LRP4: variants seen among roughly 807,000 people sequenced by gnomAD.
The protein encoded by LRP4 is low-density lipoprotein receptor-related protein 4.
Under a neutral mutation model 220.3 loss-of-function variants are expected in LRP4, and 95 were observed. That is an observed-to-expected ratio of 0.43 (90% CI 0.37 to 0.51). The LOEUF is 0.51. LRP4 is among the 20% of genes least tolerant of loss of function. LRP4 has a pLI of 0.00. For missense variants in LRP4, 1,925 were observed against 2,567.0 expected, an observed-to-expected ratio of 0.75 and a Z score of 5.40; for synonymous variants, 903 against 954.6, an observed-to-expected ratio of 0.95 and a Z score of 1.00.
intron 37 of LRP4, among the ~76,000 whole-genome samples, chr11:46,861,449 A>G (rs987812014): frequency 7.2e-5 from 11 of 152,062 alleles, no homozygotes; most frequent in African/African-American, 2.7e-4. Context: ...GGATTTTAGG[A>G]AAAAAACAAG....
At position 46,918,216 on chromosome 11, in the gene LRP4, T is replaced by A; in HGVS notation, c.52+112A>T. On this transcript the variant is annotated intron_variant, in intron 1 of 37. Coordinates refer to ENST00000378623, the MANE Select transcript of LRP4 (RefSeq NM_002334.4). The surrounding 1 kb of genome is among the most constrained non-coding windows in gnomAD (Gnocchi z 6.0). ...CTGCACGCAGCCCCAGGGCCACGGC[T>A]AGGAGCGAGGGCGAGGGGTCTCAGG... is the stretch of plus-strand genomic sequence containing the variant. 1 of 1,194,584 alleles carries A rather than the reference T, an allele frequency of 8.4e-7. No individual in the cohort carries two copies. Among genetic ancestry groups the A allele is most frequent in the East Asian group, 3.0e-5 (1 of 33,550 alleles). 74.0% of individuals were successfully genotyped at this position (1,194,584 alleles called of 1,614,324 possible). A position where few individuals can be genotyped will look rare whatever the true frequency, so the allele number is the denominator to read the frequency against.
intron 1 of LRP4, among the ~76,000 whole-genome samples, chr11:46,917,002 G>C (rs933717865): frequency 6.6e-6 from 1 of 152,246 alleles, no homozygotes. Flanking sequence ...GCTCTTCGGA[G>C]AGAAAGAGCT....
chr11:46,859,163 G>A lies in LRP4; in HGVS notation c.5538C>T (p.Asp1846=), dbSNP rs769171471. The A allele has an allele frequency of 1.9e-6, 3 of 1,614,048 alleles. No homozygotes were observed. The highest frequency in any genetic ancestry group is 8.5e-7 in the Non-Finnish European group (1 of 1,180,034). Reference sequence around the variant, plus strand: ...CAGAGCTGGCCTGGATGGACACCGTGTCTGTCTTCATGCATACATGATCCC... The same window carrying A: ...CAGAGCTGGCCTGGATGGACACCGTATCTGTCTTCATGCATACATGATCCC... ...LLRDHVCMKT[D]TVSIQASSGS... The change falls in exon 38 of 38, where the codon GAC becomes GAT. Residue 1846 remains aspartate (D), a synonymous_variant. Transcript: ENST00000378623.
rs763376596 is a variant in LRP4, at chr11:46,864,470, T to G, written c.5221A>C (p.Ile1741Leu). Residue 1741 changes from isoleucine (I) to leucine (L), a missense_variant, in exon 36 of 38, where the codon ATT (isoleucine) becomes CTT (leucine). Physicochemically the swap from Ile to Leu is conservative, Grantham distance 5. Coordinates refer to ENST00000378623, the MANE Select transcript of LRP4 (RefSeq NM_002334.4). ...TACCTGTACAGCATCAAAGCTGCAA[T>G]CACCACCAAAATCAGCAGAATACTG... ...LLSILLILVV[I>L]AALMLYRHKK... The G allele has an allele frequency of 6.2e-7, 1 of 1,613,774 alleles. No individual in the cohort carries two copies. The highest frequency in any genetic ancestry group is 1.1e-5 in the South Asian group (1 of 91,070).
intron 7 of LRP4, 22 bp downstream of exon 7, chr11:46,898,536 C>T: frequency 6.2e-7 from 1 of 1,613,910 alleles, no homozygotes; most frequent in African/African-American, 1.3e-5. Flanking sequence ...CAAGCCCAAC[C>T]TAATTCCATT....
At chr11:46,895,734 AATGGG>A in intron 10 of LRP4, 145 bp downstream of exon 10, 1 of 1,118,260 alleles carries the variant, frequency 8.9e-7, no homozygotes, top group Non-Finnish European at 1.3e-6. Context: ...CCATCTGTGA[AATGGG>A]AAGGATGATC....
intron 13 of LRP4, among the ~76,000 whole-genome samples, chr11:46,891,656 G>A (rs1941427716): frequency 6.6e-6 from 1 of 151,958 alleles, no homozygotes; most frequent in Admixed American, 6.6e-5. Context: ...GTCTCACTCT[G>A]TCATCCAGGA....
At position 46,894,689 on chromosome 11, in the gene LRP4, C is replaced by G; in HGVS notation, c.1440G>C (p.Glu480Asp). The change falls in exon 12 of 38, where the codon GAG (glutamate) becomes GAC (aspartate). Residue 480 changes from glutamate (E) to aspartate (D), a missense_variant. By Grantham distance (45) the Glu-to-Asp change is conservative. This residue lies in a region of LRP4 where 269 missense variants were observed against 436.7 expected (regional missense o/e 0.62). Coordinates refer to ENST00000378623, the MANE Select transcript of LRP4 (RefSeq NM_002334.4). ...AIALDFHHRR[E>D]LVFWSDVTLD... The stretch of plus-strand genomic sequence containing the variant: ...GGGTGACATCTGACCAGAAGACAAG[C>G]TCGCGGCGGTGGTGGAAATCAAGGG... 1.2e-6 allele frequency: 2 copies of G among 1,614,240 alleles called. No individual in the cohort carries two copies. Among genetic ancestry groups the G allele is most frequent in the Non-Finnish European group, 1.7e-6 (2 of 1,180,044 alleles).
intron 20 of LRP4, among the ~76,000 whole-genome samples, chr11:46,880,336 C>T (rs959715064): frequency 1.7e-4 from 25 of 147,398 alleles, no homozygotes; most frequent in Non-Finnish European, 3.1e-4. Context: ...TGTGGTGGCT[C>T]ATGCCTATAA....
At chr11:46,910,461 A>T (rs1442993240) in intron 1 of LRP4, among the ~76,000 whole-genome samples, 1 of 152,228 alleles carries the variant, frequency 6.6e-6, no homozygotes, top group East Asian at 1.9e-4. Context: ...TCTTGTTATT[A>T]CTATTAAAGA....
chr11:46,911,600 ATAAATAAATAAAT>A, intron 1 of LRP4, among the ~76,000 whole-genome samples: 1 of 133,120 alleles, frequency 7.5e-6, no homozygotes, highest in Non-Finnish European at 1.6e-5. Flanking sequence ...AAAAAAAAAA[ATAAATAAATAAAT>A]AAAAATAAAG....
In LRP4 at chr11:46,892,634, C is replaced by T. The variant is rs866808057; in HGVS notation, c.1697+339G>A. Among the ~76,000 whole-genome samples, 7 of 149,954 alleles carry T rather than the reference C, an allele frequency of 4.7e-5. No individual in the cohort carries two copies. The South Asian group carries it at 1.3e-3, about 27-fold the overall frequency. On this transcript the variant is annotated intron_variant, in intron 13 of 37. Coordinates refer to ENST00000378623, the MANE Select transcript of LRP4 (RefSeq NM_002334.4). ...TCTCCCAGGCTGGAGTGCAGTGGCG[C>T]AATCTCAGCTCACTGTAACCTGTGC...
rs761350442 is a variant in LRP4 at position 46,900,271 on chromosome 11, G to C, written c.307C>G (p.Gln103Glu). The C allele has an allele frequency of 5.0e-6, 8 of 1,613,018 alleles. No individual in the cohort carries two copies. The highest frequency in any genetic ancestry group is 5.9e-6 in the Non-Finnish European group (7 of 1,179,082). ...DNDCEDDSDE[Q>E]DCPPRECEED... ...CTCTGCCAACACTCACGACAGTCCT[G>C]CTCATCCGAGTCATCCTCACAGTCG... is the stretch of plus-strand genomic sequence containing the variant. The change falls in exon 3 of 38, where the codon CAG (glutamine) becomes GAG (glutamate). Residue 103 changes from glutamine to glutamate, a missense_variant. This residue lies in a region of LRP4 where 412 missense variants were observed against 505.4 expected (regional missense o/e 0.82). Coordinates refer to ENST00000378623, the MANE Select transcript of LRP4 (RefSeq NM_002334.4).
At chr11:46,898,871 C>G (rs775396166) in intron 6 of LRP4, 33 bp downstream of exon 6, 248 of 1,613,458 alleles carry the variant, frequency 1.5e-4, no homozygotes, top group Non-Finnish European at 2.0e-4. Flanking sequence ...CCCAGCCTGG[C>G]CTCCCCACCT....
At position 46,870,623 on chromosome 11, in the gene LRP4, G is replaced by A. The variant is rs572705320; in HGVS notation, c.4692+902C>T. On this transcript the variant is annotated intron_variant, in intron 31 of 37. Transcript: ENST00000378623. ...AAAAATTTTATAGAGATAGGGTCTC[G>A]CCATGTTGCCCAGTCTGGTCTCAAA... Among the ~76,000 whole-genome samples, 59 of 152,218 alleles carry A rather than the reference G, an allele frequency of 3.9e-4. 1 individual carries two copies. In the South Asian group the frequency reaches 0.012, roughly 30 times the overall value.
At chr11:46,866,211 T>C (rs1940695307) in intron 34 of LRP4, among the ~76,000 whole-genome samples, 2 of 151,962 alleles carry the variant, frequency 1.3e-5, no homozygotes, top group Non-Finnish European at 2.9e-5. Flanking sequence ...GAGTAAATTA[T>C]ATATAGGTAT....
intron 18 of LRP4, among the ~76,000 whole-genome samples, chr11:46,884,700 G>A (rs1280875904): frequency 7.7e-6 from 1 of 130,186 alleles, no homozygotes; most frequent in African/African-American, 2.9e-5. Context: ...TCGTGCCACA[G>A]CACTCCAGCC....
Position 46,868,015 on chromosome 11 carries a change from G to A in LRP4, c.5051C>T (p.Thr1684Ile). 6.2e-7 allele frequency: 1 copy of A among 1,614,160 alleles called. No homozygotes were observed. The highest frequency in any genetic ancestry group is 8.5e-7 in the Non-Finnish European group (1 of 1,180,036). The change falls in exon 34 of 38, where the codon ACC (threonine) becomes ATC (isoleucine). Residue 1684 changes from threonine to isoleucine, a missense_variant. This residue lies in a region of LRP4 where 1,244 missense variants were observed against 1,624.9 expected (regional missense o/e 0.77). Transcript: ENST00000378623. ...CTCCTCCAGAGACGTGCGGGTCCGG[G>A]TGGTTGAAGAATACAAGGTGGTAGG... is the stretch of plus-strand genomic sequence containing the variant. Reference protein sequence around the residue: ...TPPTTLYSSTTRTRTSLEEVE... With the variant: ...TPPTTLYSSTIRTRTSLEEVE...
In LRP4 at chr11:46,894,572, G is replaced by A; in HGVS notation, c.1540+17C>T. On this transcript the variant is annotated intron_variant, in intron 12 of 37. Transcript: ENST00000378623. ...GTGGCATGGCTCTGCCCCTCTCCATGGGGCCTTGTTCCCTACCTGGGCTCT... is the reference window on the plus strand; with the variant it reads ...GTGGCATGGCTCTGCCCCTCTCCATAGGGCCTTGTTCCCTACCTGGGCTCT... The A allele has an allele frequency of 6.3e-7, 1 of 1,578,572 alleles. No individual in the cohort carries two copies. The highest frequency in any genetic ancestry group is 8.6e-7 in the Non-Finnish European group (1 of 1,158,860).
Sources: gnomAD v4.1 joint callset for allele counts (sites outside exome capture counted in the v4.1 genomes callset) on GRCh38, gnomAD v4.1.1 for gene constraint, gnomAD v4.1.1 regional missense constraint, Gnocchi (gnomAD v3.1) non-coding constraint, MANE v1.5 for transcripts, NCBI Gene and HGNC (gene_info 2026-07-23, HGNC 2026-07-21) for gene names.